Variants in SNX7 observed in about 807,000 individuals in gnomAD.
SNX7 encodes the protein sorting nexin-7.
Under a neutral mutation model 48.4 loss-of-function variants are expected in SNX7, and 35 were observed. That is an observed-to-expected ratio of 0.72 (90% CI 0.55 to 0.96). The LOEUF (loss-of-function observed/expected upper bound fraction) is 0.96, where lower values mean the gene tolerates loss of function less well. Ranked by LOEUF, SNX7 falls within the 40% of genes least tolerant of loss-of-function variation. SNX7 has a pLI of 0.00. For synonymous variants in SNX7, 190 were observed against 190.2 expected, an observed-to-expected ratio of 1.00 and a Z score of 0.01; for missense variants, 553 against 548.9, an observed-to-expected ratio of 1.01 and a Z score of -0.07.
At chr1:98,747,578 C>T (rs1654364963) in intron 8 of SNX7, among the ~76,000 whole-genome samples, 1 of 152,152 alleles carries the variant, frequency 6.6e-6, no homozygotes, top group Non-Finnish European at 1.5e-5. Flanking sequence ...TTGTTCTTCA[C>T]CACAGATAGT....
At chr1:98,756,195 A>C (rs1198985398) in intron 8 of SNX7, among the ~76,000 whole-genome samples, 1 of 151,914 alleles carries the variant, frequency 6.6e-6, no homozygotes, top group Non-Finnish European at 1.5e-5. Flanking sequence ...AGAACCTACA[A>C]ATGTGTTTTT....
At chr1:98,705,189 G>C (rs535162804) in intron 7 of SNX7, among the ~76,000 whole-genome samples, 1 of 152,116 alleles carries the variant, frequency 6.6e-6, no homozygotes, top group Non-Finnish European at 1.5e-5. Context: ...AGAGTTTGTG[G>C]TTTGTAGTTC....
chr1:98,729,446 G>C (rs998756507), intron 7 of SNX7, among the ~76,000 whole-genome samples: 1 of 150,714 alleles, frequency 6.6e-6, no homozygotes, highest in Non-Finnish European at 1.5e-5. Context: ...GGAACTAAAG[G>C]AGATAGAGAC....
chr1:98,727,697 C>A (rs776530777), intron 7 of SNX7, among the ~76,000 whole-genome samples: 10 of 151,808 alleles, frequency 6.6e-5, no homozygotes, highest in Admixed American at 1.3e-4. Flanking sequence ...ACATAAATGA[C>A]CTGATGTAGC....
At chr1:98,693,781 T>C (rs1482976096) in intron 4 of SNX7, among the ~76,000 whole-genome samples, 1 of 152,222 alleles carries the variant, frequency 6.6e-6, no homozygotes, top group Non-Finnish European at 1.5e-5. Context: ...AGACAATGTG[T>C]TATTTAATAT....
At chr1:98,687,973 C>T (rs766574596) in intron 2 of SNX7, among the ~76,000 whole-genome samples, 2 of 152,138 alleles carry the variant, frequency 1.3e-5, no homozygotes, top group Non-Finnish European at 2.9e-5. Context: ...CACCTGGCCC[C>T]GCCCTTGACA....
intron 1 of SNX7, among the ~76,000 whole-genome samples, chr1:98,668,351 A>G (rs1649657308): frequency 6.6e-6 from 1 of 152,228 alleles, no homozygotes; most frequent in Non-Finnish European, 1.5e-5. Flanking sequence ...CCACTTCAGA[A>G]GATCCATTCC....
intron 7 of SNX7, among the ~76,000 whole-genome samples, chr1:98,733,302 G>C (rs888174811): frequency 6.6e-6 from 1 of 151,968 alleles, no homozygotes; most frequent in Non-Finnish European, 1.5e-5. Flanking sequence ...TCTAGATCAG[G>C]GCTAGACCCT....
intron 8 of SNX7, among the ~76,000 whole-genome samples, chr1:98,750,678 CGAATGAATGAAT>C (rs554396380): frequency 6.6e-6 from 1 of 151,690 alleles, no homozygotes; most frequent in Admixed American, 6.6e-5. Flanking sequence ...AGCTGCTAAA[CGAATGAATGAAT>C]GAATGAATGA....
chr1:98,691,865 C>G (rs1327715878), intron 4 of SNX7, among the ~76,000 whole-genome samples, 166 bp downstream of exon 4: 1 of 151,096 alleles, frequency 6.6e-6, no homozygotes, highest in African/African-American at 2.4e-5. Flanking sequence ...AACCCTGTGT[C>G]AAATCTACAT....
intron 1 of SNX7, chr1:98,662,796 A>AAGGAGATATT (rs1553195408): frequency 2.3e-6 from 3 of 1,289,246 alleles, no homozygotes; most frequent in Middle Eastern, 2.1e-4. Context: ...TGTTCATTTT[A>AAGGAGATATT]ACGTTACCTG....
chr1:98,720,546 C>T (rs572982270), intron 7 of SNX7, among the ~76,000 whole-genome samples: 2 of 152,088 alleles, frequency 1.3e-5, no homozygotes, highest in Admixed American at 6.6e-5. Flanking sequence ...ACATATGACA[C>T]TATTCCAGTT....
chr1:98,750,302 A>T (rs149924643), intron 8 of SNX7, among the ~76,000 whole-genome samples: 1 of 152,168 alleles, frequency 6.6e-6, no homozygotes, highest in Non-Finnish European at 1.5e-5. Context: ...TAGGCATCAC[A>T]TGGTGGCTAA....
chr1:98,691,598 A>G lies in SNX7; in HGVS notation c.538A>G (p.Thr180Ala). ...VERFNDDFIETRRKALHKFLN... is the reference protein window; with the variant it reads ...VERFNDDFIEARRKALHKFLN... ...ACGCTTTAACGATGACTTCATTGAG[A>G]CACGCAGGAAGGCTTTACATAAATT... Residue 180 changes from threonine to alanine, a missense_variant, in exon 4 of 9, where the codon ACA becomes GCA. Physicochemically the swap from Thr to Ala is moderately conservative, Grantham distance 58. Coordinates refer to ENST00000306121, the MANE Select transcript of SNX7 (RefSeq NM_015976.5). 1 of 1,611,510 alleles carries G rather than the reference A, an allele frequency of 6.2e-7. No homozygotes were observed. Among genetic ancestry groups the G allele is most frequent in the East Asian group, 2.2e-5 (1 of 44,686 alleles).
chr1:98,702,110 G>A (rs1053371004), intron 7 of SNX7, among the ~76,000 whole-genome samples: 1 of 152,022 alleles, frequency 6.6e-6, no homozygotes, highest in Non-Finnish European at 1.5e-5. Flanking sequence ...ACGGTTTTCT[G>A]CCTTTCTGAC....
At chr1:98,670,818 A>G (rs1298375717) in intron 1 of SNX7, among the ~76,000 whole-genome samples, 2 of 152,182 alleles carry the variant, frequency 1.3e-5, no homozygotes, top group East Asian at 1.9e-4. Context: ...AAAAAAAATT[A>G]TGAGGACCTA....
chr1:98,716,342 C>T (rs910017083), intron 7 of SNX7, among the ~76,000 whole-genome samples: 7 of 152,148 alleles, frequency 4.6e-5, no homozygotes, highest in Non-Finnish European at 8.8e-5. Context: ...CAGGAACTAC[C>T]TCCTCATCTC....
At chr1:98,696,466 A>G (rs562375519) in intron 5 of SNX7, among the ~76,000 whole-genome samples, 84 of 152,084 alleles carry the variant, frequency 5.5e-4, no homozygotes, top group Non-Finnish European at 1.1e-3. Flanking sequence ...TTTAAACATA[A>G]TAAGTACTTA....
chr1:98,722,425 T>C (rs1206144557), intron 7 of SNX7, among the ~76,000 whole-genome samples: 2 of 152,168 alleles, frequency 1.3e-5, no homozygotes, highest in African/African-American at 4.8e-5. Context: ...CCCTCTTATC[T>C]TTCCCCTGCA....
Sources: allele counts gnomAD v4.1 joint callset (sites outside exome capture counted in the v4.1 genomes callset), GRCh38; gene constraint gnomAD v4.1.1; transcripts MANE v1.5; gene names NCBI Gene and HGNC (gene_info 2026-07-23, HGNC 2026-07-21).